ZNF181: variants seen among roughly 807,000 people sequenced by gnomAD.
The protein encoded by ZNF181 is zinc finger protein 181 (HHZ181).
Under a neutral mutation model 11.9 loss-of-function variants are expected in ZNF181, and 8 were observed. The ratio of observed to expected loss-of-function variants is 0.67; its 90% CI spans 0.39 to 1.21. The LOEUF (loss-of-function observed/expected upper bound fraction) is 1.21. ZNF181 is among the 50% of genes most tolerant of loss of function. The probability of loss-of-function intolerance (pLI) is 0.01; values close to 1 mark genes in which losing one functional copy is unlikely to be tolerated. For synonymous variants in ZNF181, 202 were observed against 221.1 expected, an observed-to-expected ratio of 0.91 and a Z score of 0.77; for missense variants, 542 against 670.9, an observed-to-expected ratio of 0.81 and a Z score of 2.12.
Position 34,742,054 on chromosome 19 carries a change from A to G in ZNF181, c.1673A>G (p.Asn558Ser). The G allele has an allele frequency of 1.2e-6, 2 of 1,604,070 alleles. No individual in the cohort carries two copies. Among genetic ancestry groups the G allele is most frequent in the Non-Finnish European group, 1.7e-6 (2 of 1,175,756 alleles). The stretch of plus-strand genomic sequence containing the variant: ...GTGGAAAAGCCTTTAGACTATATGA[A>G]TCACTATACATGTGAGAAATCTTAC... ...VSVEKPLDYM[N>S]HYTCEKSYRR... The change falls in exon 4 of 4, where the codon AAT becomes AGT. Residue 558 changes from asparagine (N) to serine (S), a missense_variant. Physicochemically the swap from Asn to Ser is conservative, Grantham distance 46 (BLOSUM62 1). Coordinates refer to ENST00000492450, the MANE Select transcript of ZNF181 (RefSeq NM_001029997.4).
chr19:34,741,945 T>C lies in ZNF181; in HGVS notation c.1564T>C (p.Cys522Arg). ...TGEKPYKCNE[C>R]GKAFSKGSNL... ...AGAAAAGCCATATAAATGTAATGAGTGTGGGAAAGCTTTTAGCAAAGGCTC... is the reference window on the plus strand; with the variant it reads ...AGAAAAGCCATATAAATGTAATGAGCGTGGGAAAGCTTTTAGCAAAGGCTC... The change falls in exon 4 of 4, where the codon TGT (cysteine) becomes CGT (arginine). Residue 522 changes from cysteine to arginine, a missense_variant. Cys to Arg is a radical substitution (Grantham distance 180). Coordinates refer to ENST00000492450, the MANE Select transcript of ZNF181 (RefSeq NM_001029997.4). 6.2e-7 allele frequency: 1 copy of C among 1,613,832 alleles called. No individual in the cohort carries two copies. Among genetic ancestry groups the C allele is most frequent in the Non-Finnish European group, 8.5e-7 (1 of 1,179,900 alleles).
intron 1 of ZNF181, chr19:34,736,335 A>G: frequency 1.6e-6 from 1 of 613,526 alleles, no homozygotes. Context: ...GAGTTGAGAA[A>G]ATTTCTTGAA....
intron 1 of ZNF181, among the ~76,000 whole-genome samples, chr19:34,736,481 AG>A (rs1181251769): frequency 6.6e-6 from 1 of 152,172 alleles, no homozygotes; most frequent in Non-Finnish European, 1.5e-5. Context: ...ACACTTAGGA[AG>A]TATCTGTTAG....
intron 1 of ZNF181, among the ~76,000 whole-genome samples, chr19:34,735,701 G>A (rs1328398314): frequency 6.6e-6 from 1 of 152,150 alleles, no homozygotes; most frequent in Non-Finnish European, 1.5e-5. Context: ...TGACCTATTT[G>A]TACAATTAGG....
rs3826982 is a variant in ZNF181, at chr19:34,740,735, G to C, written c.354G>C (p.Lys118Asn). 29 of 1,613,360 alleles carry C rather than the reference G, an allele frequency of 1.8e-5. No homozygotes were observed. The highest frequency in any genetic ancestry group is 2.5e-5 in the Non-Finnish European group (29 of 1,179,756). ...AAAGTTATGAATTTTCAAATTCTAA[G>C]AAGAATTTGGAATATATAGAGAAGT... Reference protein sequence around the residue: ...VKQSYEFSNSKKNLEYIEKLE... With the variant: ...VKQSYEFSNSNKNLEYIEKLE... The change falls in exon 4 of 4, where the codon AAG (lysine) becomes AAC (asparagine). Residue 118 changes from lysine (K) to asparagine (N), a missense_variant. Coordinates refer to ENST00000492450, the MANE Select transcript of ZNF181 (RefSeq NM_001029997.4).
rs1329083539 is a variant in ZNF181 at position 34,743,669 on chromosome 19, C to CA, written c.*1573dup. On this transcript the variant is annotated 3_prime_UTR_variant, in exon 4 of 4. Coordinates refer to ENST00000492450, the MANE Select transcript of ZNF181 (RefSeq NM_001029997.4). ...GGTAGTGCTGCTGGCAGCATCATTG[C>CA]AGCAACCGTCATTTCTCTATCCCTG... 5 of 152,204 alleles carry CA rather than the reference C, an allele frequency of 3.3e-5. No individual in the cohort carries two copies. In the East Asian group the frequency reaches 9.6e-4, roughly 29 times the overall value. The allele number at this position is 152,204 out of a possible 1,614,324, so 9.4% of individuals were successfully genotyped here.
chr19:34,741,128 G>A lies in ZNF181; in HGVS notation c.747G>A (p.Gln249=), dbSNP rs1275865060. 1.9e-6 allele frequency: 3 copies of A among 1,613,982 alleles called. No homozygotes were observed. The highest frequency in any genetic ancestry group is 1.3e-5 in the African/African-American group (1 of 74,912). ...AATGTGGGAAAGCCTTTGGCAAACA[G>A]TCAATCCTCAATCGCCACTGGAGAA... is the stretch of plus-strand genomic sequence containing the variant. ...CSECGKAFGK[Q]SILNRHWRIH... The change falls in exon 4 of 4, where the codon CAG becomes CAA. Residue 249 remains glutamine (Q), a synonymous_variant. Coordinates refer to ENST00000492450, the MANE Select transcript of ZNF181 (RefSeq NM_001029997.4).
At chr19:34,740,159 G>T (rs1413101008) in intron 3 of ZNF181, among the ~76,000 whole-genome samples, 1 of 152,160 alleles carries the variant, frequency 6.6e-6, no homozygotes, top group Non-Finnish European at 1.5e-5. Flanking sequence ...TTAGATTATT[G>T]TGTTTTTACT....
rs141656772 is a variant in ZNF181 at position 34,741,266 on chromosome 19, T to C, written c.885T>C (p.Cys295=). The part of the protein sequence containing the change: ...ISHSGEKPYK[C]IECGKAFSHV... ...ATAGTGGAGAGAAACCTTACAAATGTATTGAATGTGGGAAGGCCTTTAGCC... is the reference window on the plus strand; with the variant it reads ...ATAGTGGAGAGAAACCTTACAAATGCATTGAATGTGGGAAGGCCTTTAGCC... The change falls in exon 4 of 4, where the codon TGT becomes TGC. Residue 295 remains cysteine (C), a synonymous_variant. Transcript: ENST00000492450. 9,999 of 1,613,968 alleles carry C rather than the reference T, an allele frequency of 6.2e-3. 363 individuals carry two copies. In the South Asian group the frequency reaches 0.075, roughly 12 times the overall value.
rs925308716 is a variant in ZNF181 at position 34,743,580 on chromosome 19, C to T, written c.*1483C>T. The stretch of plus-strand genomic sequence containing the variant: ...TCTAGGTAAAGCAGACAGTCGAGTT[C>T]TGTCATACTTGCTGCAGCTGGATTC... On this transcript the variant is annotated 3_prime_UTR_variant, in exon 4 of 4. Coordinates refer to ENST00000492450, the MANE Select transcript of ZNF181 (RefSeq NM_001029997.4). 6.6e-6 allele frequency: 1 copy of T among 152,224 alleles called. No homozygotes were observed. Among genetic ancestry groups the T allele is most frequent in the African/African-American group, 2.4e-5 (1 of 41,450 alleles). 9.4% of individuals were successfully genotyped at this position (152,224 alleles called of 1,614,324 possible). A position where few individuals can be genotyped will look rare whatever the true frequency, so the allele number is the denominator to read the frequency against.
At position 34,741,562 on chromosome 19, in the gene ZNF181, G is replaced by C. The variant is rs559196878; in HGVS notation, c.1181G>C (p.Arg394Pro). 1.9e-5 allele frequency: 31 copies of C among 1,613,856 alleles called. No homozygotes were observed. The highest frequency in any genetic ancestry group is 1.6e-4 in the Middle Eastern group (1 of 6,062). The change falls in exon 4 of 4, where the codon CGA becomes CCA. Residue 394 changes from arginine to proline, a missense_variant. Physicochemically the swap from Arg to Pro is moderately radical, Grantham distance 103 (BLOSUM62 -2). Coordinates refer to ENST00000492450, the MANE Select transcript of ZNF181 (RefSeq NM_001029997.4). The part of the protein sequence containing the change: ...KAFCCSSHLT[R>P]HQRIHTMEKQ... ...TTCTGCTGTAGCTCACACCTTACTC[G>C]ACATCAAAGAATTCACACTATGGAG...
rs181857192 is a variant in ZNF181 at position 34,742,851 on chromosome 19, A to C, written c.*754A>C. ...TTAATAAAAGTTTTGGCATCTAATA[A>C]AATCATTTTGTATATCACAAACTCT... On this transcript the variant is annotated 3_prime_UTR_variant, in exon 4 of 4. Coordinates refer to ENST00000492450, the MANE Select transcript of ZNF181 (RefSeq NM_001029997.4). 6.6e-6 allele frequency: 1 copy of C among 152,182 alleles called. No homozygotes were observed. Among genetic ancestry groups the C allele is most frequent in the Non-Finnish European group, 1.5e-5 (1 of 68,008 alleles). The allele number at this position is 152,182 out of a possible 1,614,324, so 9.4% of individuals were successfully genotyped here.
In ZNF181 at chr19:34,742,873, CTCTT is replaced by C. The variant is rs576336601; in HGVS notation, c.*779_*782del. ...ATAAAATCATTTTGTATATCACAAA[CTCTT>C]TCACTGTGACTATTTCCTGTAAAAA... is the stretch of plus-strand genomic sequence containing the variant. On this transcript the variant is annotated 3_prime_UTR_variant, in exon 4 of 4. Transcript: ENST00000492450. 2 of 152,242 alleles carry C rather than the reference CTCTT, an allele frequency of 1.3e-5. No homozygotes were observed. Among genetic ancestry groups the C allele is most frequent in the South Asian group, 2.1e-4 (1 of 4,810 alleles). 9.4% of individuals were successfully genotyped at this position (152,242 alleles called of 1,614,324 possible). A position where few individuals can be genotyped will look rare whatever the true frequency, so the allele number is the denominator to read the frequency against.
chr19:34,735,120 G>C (rs2068868631), intron 1 of ZNF181, 74 bp downstream of exon 1: 1 of 1,511,900 alleles, frequency 6.6e-7, no homozygotes, highest in Non-Finnish European at 9.0e-7. Flanking sequence ...TCTCCTGCCT[G>C]TTCCCACCTA....
At position 34,742,249 on chromosome 19, in the gene ZNF181, G is replaced by T; in HGVS notation, c.*152G>T. On this transcript the variant is annotated 3_prime_UTR_variant, in exon 4 of 4. Coordinates refer to ENST00000492450, the MANE Select transcript of ZNF181 (RefSeq NM_001029997.4). The stretch of plus-strand genomic sequence containing the variant: ...TGTTTATTAGACTTTATACTGTAGA[G>T]AAATCATATGAAGACCATAAATGTG... 1 of 656,892 alleles carries T rather than the reference G, an allele frequency of 1.5e-6. No homozygotes were observed. The highest frequency in any genetic ancestry group is 3.0e-5 in the South Asian group (1 of 33,588). The allele number at this position is 656,892 out of a possible 1,614,324, so 40.7% of individuals were successfully genotyped here. A position where few individuals can be genotyped will look rare whatever the true frequency, so the allele number is the denominator to read the frequency against.
In ZNF181 at chr19:34,741,724, T is replaced by C. The variant is rs747506813; in HGVS notation, c.1343T>C (p.Leu448Pro). The C allele has an allele frequency of 1.2e-6, 2 of 1,614,022 alleles. No homozygotes were observed. Among genetic ancestry groups the C allele is most frequent in the Admixed American group, 3.3e-5 (2 of 59,984 alleles). Residue 448 changes from leucine (L) to proline (P), a missense_variant, in exon 4 of 4, where the codon CTG becomes CCG. Transcript: ENST00000492450. ...CRKSFNQLES[L>P]NMHLRNHIRL... Reference sequence around the variant, plus strand: ...AAATCCTTCAACCAGCTTGAATCACTGAATATGCATTTGAGAAATCACATT... The same window carrying C: ...AAATCCTTCAACCAGCTTGAATCACCGAATATGCATTTGAGAAATCACATT...
chr19:34,735,011 C>T lies in ZNF181; in HGVS notation c.-27C>T. On this transcript the variant is annotated 5_prime_UTR_variant, in exon 1 of 4. Transcript: ENST00000492450. ...AAGATAAGAGCCTGGAAAGAGGACT[C>T]TGTTGGCTGTTGGAAATTGCAGAGT... 3 of 1,575,122 alleles carry T rather than the reference C, an allele frequency of 1.9e-6. No individual in the cohort carries two copies. Among genetic ancestry groups the T allele is most frequent in the Non-Finnish European group, 2.6e-6 (3 of 1,159,652 alleles).
chr19:34,741,785 A>G lies in ZNF181; in HGVS notation c.1404A>G (p.Lys468=). 2 of 1,613,974 alleles carry G rather than the reference A, an allele frequency of 1.2e-6. No individual in the cohort carries two copies. Among genetic ancestry groups the G allele is most frequent in the African/African-American group, 1.3e-5 (1 of 75,028 alleles). ...CCTACGAATGCAGTATATGTGGGAA[A>G]GCCTTTAGTCATAGGTCATCCCTGC... ...LKPYECSICG[K]AFSHRSSLLQ... is the part of the protein sequence containing the mutation. The change falls in exon 4 of 4, where the codon AAA becomes AAG. Residue 468 remains lysine (K), a synonymous_variant. Transcript: ENST00000492450.
Position 34,734,835 on chromosome 19 carries a change from C to T in ZNF181, c.-203C>T. On this transcript the variant is annotated 5_prime_UTR_variant, in exon 1 of 4. Coordinates refer to ENST00000492450, the MANE Select transcript of ZNF181 (RefSeq NM_001029997.4). ...TGGTTAGCCCTTGCGGAGAAACACC[C>T]TGTTAGTTCCCAGGGAGAGATTGGC... is the stretch of plus-strand genomic sequence containing the variant. The T allele has an allele frequency of 1.8e-6, 1 of 570,032 alleles. No homozygotes were observed. Among genetic ancestry groups the T allele is most frequent in the Non-Finnish European group, 3.1e-6 (1 of 318,280 alleles). 35.3% of individuals were successfully genotyped at this position (570,032 alleles called of 1,614,324 possible).
Sources: gnomAD v4.1 joint callset for allele counts (sites outside exome capture counted in the v4.1 genomes callset) on GRCh38, gnomAD v4.1.1 for gene constraint, MANE v1.5 for transcripts, NCBI Gene and HGNC (gene_info 2026-07-23, HGNC 2026-07-21) for gene names.